CCDC158: variants seen among roughly 807,000 people sequenced by gnomAD.
CCDC158 encodes coiled-coil domain-containing protein 158.
A neutral mutation model predicts 138.6 loss-of-function variants in CCDC158; 116 were observed. That is an observed-to-expected ratio of 0.84 (90% CI 0.72 to 0.98). The LOEUF is 0.98. CCDC158 is among the 50% of genes least tolerant of loss of function. The pLI, the probability that CCDC158 is intolerant of heterozygous loss-of-function variation, is 0.00. For synonymous variants in CCDC158, 436 were observed against 442.4 expected (o/e 0.99, Z 0.18); for missense variants, 1,265 against 1,306.1 (o/e 0.97, Z 0.48).
chr4:76,418,098 C>T (rs987355721), intron 1 of CCDC158, among the ~76,000 whole-genome samples: 9 of 152,288 alleles, frequency 5.9e-5, no homozygotes, highest in African/African-American at 1.4e-4. Flanking sequence ...CTAAACGCAA[C>T]GCAAAGCACT....
chr4:76,400,288 G>C (rs1728231487), intron 3 of CCDC158, among the ~76,000 whole-genome samples: 1 of 151,902 alleles, frequency 6.6e-6, no homozygotes, highest in Non-Finnish European at 1.5e-5. Context: ...ATTATTCTGA[G>C]CAAACTATCG....
rs924912186 is a variant in CCDC158 at position 76,351,271 on chromosome 4, T to C, written c.2539-150A>G. ...TAGCTTTAAAGTACACTTCTTAAAA[T>C]AGACATATATTTCAGTGTAAAATGT... On this transcript the variant is annotated intron_variant, in intron 17 of 24. Coordinates refer to ENST00000682701, the MANE Select transcript of CCDC158 (RefSeq NM_001394954.1). 56 of 711,846 alleles carry C rather than the reference T, an allele frequency of 7.9e-5. No individual in the cohort carries two copies. In the African/African-American group the frequency reaches 9.5e-4, roughly 12 times the overall value. 44.1% of individuals were successfully genotyped at this position (711,846 alleles called of 1,614,324 possible).
At chr4:76,387,542 A>T (rs1357600688) in intron 4 of CCDC158, among the ~76,000 whole-genome samples, 2 of 151,856 alleles carry the variant, frequency 1.3e-5, no homozygotes, top group African/African-American at 4.8e-5. Context: ...CAAAAAAAAT[A>T]GGCTGGGTGC....
At chr4:76,403,026 C>T (rs1357790584) in intron 3 of CCDC158, 112 bp downstream of exon 3, 7 of 704,188 alleles carry the variant, frequency 9.9e-6, no homozygotes, top group Non-Finnish European at 1.7e-5. Flanking sequence ...CATTCATGAT[C>T]ATGGTCTGTA....
chr4:76,381,902 C>T (rs542749981), intron 8 of CCDC158, among the ~76,000 whole-genome samples: 5 of 149,996 alleles, frequency 3.3e-5, no homozygotes, highest in African/African-American at 9.8e-5. Flanking sequence ...AGGATGCTCT[C>T]GATCTCCTGA....
chr4:76,320,983 A>G (rs906903728), intron 24 of CCDC158, among the ~76,000 whole-genome samples: 2 of 152,242 alleles, frequency 1.3e-5, no homozygotes, highest in African/African-American at 4.8e-5. Flanking sequence ...CAACCCACAG[A>G]GTGGAAGAAA....
chr4:76,403,614 C>A (rs923183075), intron 2 of CCDC158, among the ~76,000 whole-genome samples: 5 of 152,122 alleles, frequency 3.3e-5, no homozygotes, highest in Non-Finnish European at 2.9e-5. Context: ...AAATGGAAGT[C>A]ACTAATAAAA....
chr4:76,326,032 ATAAAAG>A lies in CCDC158; in HGVS notation c.3011-23_3011-18del. On this transcript the variant is annotated intron_variant, in intron 22 of 24. Coordinates refer to ENST00000682701, the MANE Select transcript of CCDC158 (RefSeq NM_001394954.1). ...ATGGACTTGCTAAAAGTTTGCAAGA[ATAAAAG>A]TAAAAGGACAGAATTAATTAAAAAT... The A allele has an allele frequency of 6.2e-7, 1 of 1,600,464 alleles. No homozygotes were observed. The highest frequency in any genetic ancestry group is 1.3e-5 in the African/African-American group (1 of 74,344).
At chr4:76,372,220 C>A (rs1357655189) in intron 9 of CCDC158, among the ~76,000 whole-genome samples, 1 of 152,196 alleles carries the variant, frequency 6.6e-6, no homozygotes, top group Non-Finnish European at 1.5e-5. Flanking sequence ...AGGAGGATCC[C>A]TTGAGCCCAG....
chr4:76,414,101 G>T (rs1407294686), intron 1 of CCDC158, among the ~76,000 whole-genome samples: 2 of 152,036 alleles, frequency 1.3e-5, no homozygotes, highest in Non-Finnish European at 2.9e-5. Flanking sequence ...TAGAGACGGG[G>T]TTTTGCCATG....
At chr4:76,387,678 C>G (rs1296524723) in intron 4 of CCDC158, among the ~76,000 whole-genome samples, 6 of 152,012 alleles carry the variant, frequency 3.9e-5, no homozygotes, top group Non-Finnish European at 7.4e-5. Context: ...CAAAAATTAG[C>G]CGGGCGTGGT....
chr4:76,381,047 T>A (rs1726190067), intron 8 of CCDC158, among the ~76,000 whole-genome samples: 1 of 152,178 alleles, frequency 6.6e-6, no homozygotes, highest in South Asian at 2.1e-4. Flanking sequence ...ATAGCATGTA[T>A]GGAAATGCCT....
chr4:76,338,834 G>C (rs574522024), intron 18 of CCDC158, among the ~76,000 whole-genome samples: 1 of 152,154 alleles, frequency 6.6e-6, no homozygotes, highest in Admixed American at 6.5e-5. Flanking sequence ...AAGCCCACAA[G>C]AGAACCCTAG....
intron 23 of CCDC158, among the ~76,000 whole-genome samples, chr4:76,323,793 T>C (rs1267214522): frequency 6.6e-6 from 1 of 152,156 alleles, no homozygotes; most frequent in Non-Finnish European, 1.5e-5. Context: ...GGGAGTATGA[T>C]CTAATATAGA....
intron 14 of CCDC158, 78 bp downstream of exon 14, chr4:76,357,296 A>AT: frequency 1.0e-6 from 1 of 996,384 alleles, no homozygotes; most frequent in Non-Finnish European, 1.4e-6. Flanking sequence ...TAGGTAACGT[A>AT]TTTGAGTTTC....
intron 15 of CCDC158, 26 bp from the exon 16 acceptor site, chr4:76,353,307 C>T (rs776984225): frequency 1.9e-6 from 3 of 1,548,092 alleles, no homozygotes; most frequent in Non-Finnish European, 2.6e-6. Context: ...AGAAAAACAT[C>T]AGAAATAACC....
Position 76,313,148 on chromosome 4 carries a change from TA to T in CCDC158, c.*21del. On this transcript the variant is annotated 3_prime_UTR_variant, in exon 25 of 25. Transcript: ENST00000682701. ...CAATTAATTGGGCCTCATTCCTCTG[TA>T]AAGAATAGGCAAGCAACGAGTCATT... 6.5e-7 allele frequency: 1 copy of T among 1,527,226 alleles called. No individual in the cohort carries two copies. Among genetic ancestry groups the T allele is most frequent in the Non-Finnish European group, 9.0e-7 (1 of 1,111,742 alleles). The allele number at this position is 1,527,226 out of a possible 1,614,324, so 94.6% of individuals were successfully genotyped here.
At chr4:76,417,065 C>T (rs1425249570) in intron 1 of CCDC158, among the ~76,000 whole-genome samples, 4 of 152,258 alleles carry the variant, frequency 2.6e-5, no homozygotes, top group African/African-American at 9.6e-5. Flanking sequence ...CCTGCAAAGC[C>T]ACAGGGGTTG....
chr4:76,382,759 G>T, intron 7 of CCDC158, 39 bp from the exon 8 acceptor site: 1 of 1,264,912 alleles, frequency 7.9e-7, no homozygotes, highest in South Asian at 1.3e-5. Flanking sequence ...TGATACAGAA[G>T]ATTTTCCTGA....
Sources: allele counts gnomAD v4.1 joint callset (sites outside exome capture counted in the v4.1 genomes callset), GRCh38; gene constraint gnomAD v4.1.1; transcripts MANE v1.5; gene names NCBI Gene and HGNC (gene_info 2026-07-23, HGNC 2026-07-21).